LSAMP: variants seen among roughly 807,000 people sequenced by gnomAD.
LSAMP encodes the protein limbic system-associated membrane protein.
In LSAMP, 7 loss-of-function variants were observed where a neutral mutation model predicts 38.6. That is an observed-to-expected ratio of 0.18 (90% CI 0.10 to 0.34). The LOEUF (loss-of-function observed/expected upper bound fraction) is 0.34. LSAMP is among the 10% of genes least tolerant of loss of function. The pLI is 1.00. For synonymous variants in LSAMP, 154 were observed against 166.8 expected, an observed-to-expected ratio of 0.92 and a Z score of 0.59; for missense variants, 313 against 420.0, an observed-to-expected ratio of 0.75 and a Z score of 2.23.
At chr3:116,235,600 G>A (rs972704349) in intron 1 of LSAMP, among the ~76,000 whole-genome samples, 13 of 152,122 alleles carry the variant, frequency 8.5e-5, no homozygotes, top group Admixed American at 4.6e-4. Flanking sequence ...ATCAATAAAG[G>A]AAAAGGAAAT....
chr3:115,991,139 T>C (rs1179287684), intron 3 of LSAMP, among the ~76,000 whole-genome samples: 2 of 152,092 alleles, frequency 1.3e-5, no homozygotes, highest in African/African-American at 4.8e-5. Flanking sequence ...GTGCATTTAC[T>C]TCCTTGGAAA....
At chr3:115,897,938 T>A (rs566090312) in intron 3 of LSAMP, among the ~76,000 whole-genome samples, 11 of 152,136 alleles carry the variant, frequency 7.2e-5, no homozygotes, top group Non-Finnish European at 1.2e-4. Context: ...TACCGCTTCA[T>A]GTGGGAGCAG....
At chr3:116,427,674 G>T (rs1173873011) in intron 1 of LSAMP, among the ~76,000 whole-genome samples, 2 of 152,070 alleles carry the variant, frequency 1.3e-5, no homozygotes, top group African/African-American at 4.8e-5. Context: ...GCTATTTAGA[G>T]GTAAACCCTC....
At chr3:116,042,757 T>A (rs1434570903) in intron 2 of LSAMP, among the ~76,000 whole-genome samples, 1 of 152,150 alleles carries the variant, frequency 6.6e-6, no homozygotes, top group East Asian at 1.9e-4. Context: ...AAGTAATCTG[T>A]CTGCATGATT....
chr3:116,346,603 A>T (rs2048067557), intron 1 of LSAMP, among the ~76,000 whole-genome samples: 1 of 152,190 alleles, frequency 6.6e-6, no homozygotes, highest in Non-Finnish European at 1.5e-5. Flanking sequence ...TGCTGGAATT[A>T]CAGGTGTGAG....
intron 6 of LSAMP, among the ~76,000 whole-genome samples, chr3:115,823,589 CATTT>C (rs1364977851): frequency 6.6e-6 from 1 of 151,998 alleles, no homozygotes; most frequent in East Asian, 1.9e-4. Context: ...GAATGCATAA[CATTT>C]ATTATCAGAA....
In LSAMP at chr3:116,248,476, A is replaced by G. The variant is rs539139057; in HGVS notation, c.156-161920T>C. Reference sequence around the variant, plus strand: ...GGCAATATAGTAAGACCCTGTCTCTAATGTGTGTGTGTGTGTGTGTGTGTG... The same window carrying G: ...GGCAATATAGTAAGACCCTGTCTCTGATGTGTGTGTGTGTGTGTGTGTGTG... On this transcript the variant is annotated intron_variant, in intron 1 of 6. Coordinates refer to ENST00000490035, the MANE Select transcript of LSAMP (RefSeq NM_002338.5). 2.2e-4 allele frequency among the ~76,000 whole-genome samples: 23 copies of G among 102,894 alleles called. No homozygotes were observed. The East Asian group carries it at 6.9e-3, about 31-fold the overall frequency. 67.5% of individuals were successfully genotyped at this position (102,894 alleles called of 152,430 possible). A position where few individuals can be genotyped will look rare whatever the true frequency, so the allele number is the denominator to read the frequency against.
intron 1 of LSAMP, among the ~76,000 whole-genome samples, chr3:116,232,724 G>A (rs1299375245): frequency 2.8e-5 from 1 of 35,382 alleles, no homozygotes; most frequent in Non-Finnish European, 1.2e-4. Flanking sequence ...TTTCCAGCAG[G>A]TAGATTTGCT....
At chr3:115,832,845 T>C (rs1264614194) in intron 6 of LSAMP, among the ~76,000 whole-genome samples, 1 of 152,182 alleles carries the variant, frequency 6.6e-6, no homozygotes. Flanking sequence ...AATCAACAGT[T>C]CAGTTTGTGG....
At chr3:116,409,237 G>A (rs1015032932) in intron 1 of LSAMP, among the ~76,000 whole-genome samples, 1 of 151,986 alleles carries the variant, frequency 6.6e-6, no homozygotes, top group African/African-American at 2.4e-5. Flanking sequence ...GTCTGGTGTG[G>A]GCAAAGTGTA....
intron 1 of LSAMP, among the ~76,000 whole-genome samples, chr3:116,135,134 T>C (rs1311360122): frequency 6.6e-6 from 1 of 152,146 alleles, no homozygotes; most frequent in Non-Finnish European, 1.5e-5. Flanking sequence ...GAAATGAATT[T>C]ATTACTCAAG....
intron 3 of LSAMP, among the ~76,000 whole-genome samples, chr3:115,928,973 G>GTT (rs67711628): frequency 0.38 from 41,266 of 108,458 alleles, 8,136 homozygotes; most frequent in South Asian, 0.53. Context: ...TTTTTTGTTT[G>GTT]TTTTTTTTTT....
rs141822663 is a variant in LSAMP, at chr3:115,881,037, AAAAT to A, written c.515-28424_515-28421del. 2.7e-3 allele frequency among the ~76,000 whole-genome samples: 384 copies of A among 142,938 alleles called. 2 individuals carry two copies. Among genetic ancestry groups the A allele is most frequent in the Non-Finnish European group, 4.5e-3 (300 of 66,038 alleles). 93.8% of individuals were successfully genotyped at this position (142,938 alleles called of 152,430 possible). On this transcript the variant is annotated intron_variant, in intron 3 of 6. Transcript: ENST00000490035. ...GGCAATAGAACAAAACTCTGTCTCAAAAATAAATAAATAAATAAATAAATAAATA... is the reference window on the plus strand; with the variant it reads ...GGCAATAGAACAAAACTCTGTCTCAAAAATAAATAAATAAATAAATAAATA...
intron 4 of LSAMP, among the ~76,000 whole-genome samples, chr3:115,847,975 C>T (rs1368252365): frequency 6.6e-6 from 1 of 152,112 alleles, no homozygotes; most frequent in Non-Finnish European, 1.5e-5. Context: ...GTCCATATTG[C>T]AAAATTATAA....
intron 1 of LSAMP, among the ~76,000 whole-genome samples, chr3:116,356,919 G>A (rs1033480221): frequency 6.6e-6 from 1 of 151,878 alleles, no homozygotes; most frequent in Non-Finnish European, 1.5e-5. Context: ...TCAGCCTCCC[G>A]AGTAGCTGGG....
intron 3 of LSAMP, among the ~76,000 whole-genome samples, chr3:116,006,346 A>T (rs1940160659): frequency 6.6e-6 from 1 of 152,096 alleles, no homozygotes; most frequent in South Asian, 2.1e-4. Flanking sequence ...TCGGAACCTG[A>T]GCATGCTGGC....
chr3:115,818,797 T>TAC (rs1559834727), intron 6 of LSAMP, among the ~76,000 whole-genome samples: 2 of 45,966 alleles, frequency 4.4e-5, no homozygotes, highest in African/African-American at 1.5e-4. Flanking sequence ...CTTTTATATA[T>TAC]ATATATATAT....
At chr3:116,357,198 C>T (rs2048237557) in intron 1 of LSAMP, among the ~76,000 whole-genome samples, 1 of 152,086 alleles carries the variant, frequency 6.6e-6, no homozygotes, top group African/African-American at 2.4e-5. Context: ...GGTACGACTA[C>T]CCCAGTATTA....
chr3:116,382,740 A>G (rs915129821), intron 1 of LSAMP, among the ~76,000 whole-genome samples: 1 of 152,126 alleles, frequency 6.6e-6, no homozygotes, highest in Non-Finnish European at 1.5e-5. Flanking sequence ...ACATATTTTT[A>G]AAAAATCTTT....
Sources: allele counts gnomAD v4.1 joint callset (sites outside exome capture counted in the v4.1 genomes callset), GRCh38; gene constraint gnomAD v4.1.1; transcripts MANE v1.5; gene names NCBI Gene and HGNC (gene_info 2026-07-23, HGNC 2026-07-21).